BICC1: variants seen among roughly 807,000 people sequenced by gnomAD.
BICC1 encodes the protein BicC family RNA binding protein 1, also known as protein bicaudal C homolog 1.
BICC1 carries 43 observed loss-of-function variants against 111.0 expected under a neutral mutation model. The observed-to-expected ratio is 0.39, with a 90% confidence interval of 0.30 to 0.50. BICC1 has a LOEUF of 0.50. Among genes scored for constraint, BICC1 ranks in the 20% least tolerant of loss-of-function variants. The probability of loss-of-function intolerance (pLI) is 0.88; values close to 1 mark genes in which losing one functional copy is unlikely to be tolerated. For missense variants in BICC1, 1,091 were observed against 1,203.2 expected (o/e 0.91, Z 1.38); for synonymous variants, 467 against 434.4 (o/e 1.07, Z -0.93).
At chr10:58,555,666 C>CT (rs1273719176) in intron 1 of BICC1, among the ~76,000 whole-genome samples, 2 of 152,096 alleles carry the variant, frequency 1.3e-5, no homozygotes, top group African/African-American at 4.8e-5. Flanking sequence ...TCATGCGAAA[C>CT]TAAGTGTTGG....
At chr10:58,543,224 A>G (rs1258888215) in intron 1 of BICC1, among the ~76,000 whole-genome samples, 2 of 152,162 alleles carry the variant, frequency 1.3e-5, no homozygotes, top group Admixed American at 6.5e-5. Context: ...CAACATAGAT[A>G]AACCTGGAGG....
At chr10:58,665,879 A>G (rs1047129177) in intron 2 of BICC1, among the ~76,000 whole-genome samples, 17 of 152,182 alleles carry the variant, frequency 1.1e-4, no homozygotes, top group African/African-American at 3.9e-4. Context: ...TTGCAAAAGT[A>G]TGGTTTTATA....
intron 3 of BICC1, among the ~76,000 whole-genome samples, chr10:58,773,517 C>A (rs1226837017): frequency 6.6e-6 from 1 of 152,202 alleles, no homozygotes; most frequent in Non-Finnish European, 1.5e-5. Flanking sequence ...ATTATCATCA[C>A]CTGAGGGCTG....
At chr10:58,643,859 G>A (rs1255081742) in intron 2 of BICC1, among the ~76,000 whole-genome samples, 1 of 152,184 alleles carries the variant, frequency 6.6e-6, no homozygotes, top group East Asian at 1.9e-4. Flanking sequence ...CCTTGGAGGA[G>A]CTTCTGTTAA....
intron 2 of BICC1, among the ~76,000 whole-genome samples, chr10:58,680,916 A>G (rs1478399726): frequency 6.6e-6 from 1 of 152,266 alleles, no homozygotes; most frequent in Non-Finnish European, 1.5e-5. Context: ...AAAACAAGCA[A>G]TGGTGAAAGG....
intron 3 of BICC1, among the ~76,000 whole-genome samples, chr10:58,780,406 C>T (rs532501644): frequency 6.7e-4 from 102 of 152,136 alleles, no homozygotes; most frequent in Middle Eastern, 3.4e-3. Flanking sequence ...ATGTACATGC[C>T]GAGGGTGGAA....
chr10:58,614,898 A>G (rs965485731), intron 1 of BICC1, among the ~76,000 whole-genome samples: 2 of 152,190 alleles, frequency 1.3e-5, no homozygotes, highest in African/African-American at 2.4e-5. Context: ...TTGAAAATAT[A>G]TTTGATTCTA....
At chr10:58,681,886 CTTTA>C (rs1331311213) in intron 2 of BICC1, among the ~76,000 whole-genome samples, 2 of 151,642 alleles carry the variant, frequency 1.3e-5, no homozygotes, top group African/African-American at 4.9e-5. Flanking sequence ...TTAAATTATA[CTTTA>C]AGTTCTAGGG....
At chr10:58,784,750 G>C (rs1842965048) in intron 3 of BICC1, among the ~76,000 whole-genome samples, 1 of 152,068 alleles carries the variant, frequency 6.6e-6, no homozygotes, top group Non-Finnish European at 1.5e-5. Context: ...TTTGTAAAAA[G>C]AAATGTAAAT....
Position 58,800,224 on chromosome 10 carries a change from A to T in BICC1, c.1756A>T (p.Thr586Ser). The T allele has an allele frequency of 6.2e-7, 1 of 1,607,428 alleles. No homozygotes were observed. The highest frequency in any genetic ancestry group is 8.5e-7 in the Non-Finnish European group (1 of 1,174,282). The change falls in exon 13 of 21, where the codon ACT (threonine) becomes TCT (serine). Residue 586 changes from threonine (T) to serine (S), a missense_variant. By Grantham distance (58) the Thr-to-Ser change is moderately conservative. This residue lies in a region of BICC1 where 843 missense variants were observed against 900.8 expected (regional missense o/e 0.94). Coordinates refer to ENST00000373886, the MANE Select transcript of BICC1 (RefSeq NM_001080512.3). ...AGATATAAAATATGGTGCAATATCC[A>T]CTTCATCACTTGGAGAAAAAGTGCT... Reference protein sequence around the residue: ...SPDIKYGAISTSSLGEKVLSA... With the variant: ...SPDIKYGAISSSSLGEKVLSA...
At chr10:58,812,650 G>A (rs544418706) in intron 17 of BICC1, among the ~76,000 whole-genome samples, 1 of 151,852 alleles carries the variant, frequency 6.6e-6, no homozygotes, top group African/African-American at 2.4e-5. Context: ...GCTAATTTTT[G>A]TATTTTTAGT....
At chr10:58,595,846 CAAG>C (rs1694762630) in intron 1 of BICC1, among the ~76,000 whole-genome samples, 1 of 151,928 alleles carries the variant, frequency 6.6e-6, no homozygotes, top group South Asian at 2.1e-4. Context: ...TAGCAGAAGA[CAAG>C]AAATAACTAA....
chr10:58,800,299 A>G lies in BICC1; in HGVS notation c.1831A>G (p.Thr611Ala). ...CATCCAGACAAGTGGGTCTGAGCAGACATCTCCCAAATCAAGCCCCACTGA... is the reference window on the plus strand; with the variant it reads ...CATCCAGACAAGTGGGTCTGAGCAGGCATCTCCCAAATCAAGCCCCACTGA... ...PSIQTSGSEQ[T>A]SPKSSPTEGC... is the part of the protein sequence containing the mutation. The change falls in exon 13 of 21, where the codon ACA (threonine) becomes GCA (alanine). Residue 611 changes from threonine to alanine, a missense_variant. Transcript: ENST00000373886. 6.2e-7 allele frequency: 1 copy of G among 1,613,672 alleles called. No individual in the cohort carries two copies. Among genetic ancestry groups the G allele is most frequent in the Non-Finnish European group, 8.5e-7 (1 of 1,179,812 alleles).
chr10:58,689,740 G>T (rs550987878), intron 2 of BICC1, among the ~76,000 whole-genome samples: 2 of 152,326 alleles, frequency 1.3e-5, no homozygotes, highest in South Asian at 4.1e-4. Context: ...GCTGAGGACA[G>T]AAGTTAGTGG....
rs1049123485 is a variant in BICC1, at chr10:58,729,801, C to T, written c.307+27658C>T. Among the ~76,000 whole-genome samples, 6 of 152,170 alleles carry T rather than the reference C, an allele frequency of 3.9e-5. No individual in the cohort carries two copies. In the East Asian group the frequency reaches 5.8e-4, roughly 15 times the overall value. Reference sequence around the variant, plus strand: ...CGCAAGAATTCACTCACTATTGTGACGACAGTACCAAGGGGGACGCTGTTA... The same window carrying T: ...CGCAAGAATTCACTCACTATTGTGATGACAGTACCAAGGGGGACGCTGTTA... On this transcript the variant is annotated intron_variant, in intron 3 of 20. Transcript: ENST00000373886.
At chr10:58,666,786 C>A (rs907244780) in intron 2 of BICC1, among the ~76,000 whole-genome samples, 13 of 152,216 alleles carry the variant, frequency 8.5e-5, no homozygotes, top group Admixed American at 8.5e-4. Flanking sequence ...TGACCCCTCC[C>A]ACCATGCATA....
At chr10:58,567,678 T>C (rs1203659757) in intron 1 of BICC1, among the ~76,000 whole-genome samples, 2 of 152,078 alleles carry the variant, frequency 1.3e-5, no homozygotes, top group Admixed American at 6.6e-5. Flanking sequence ...TGTAATTGCA[T>C]AGCTAAGACC....
At chr10:58,514,408 A>T (rs1308818243) in intron 1 of BICC1, among the ~76,000 whole-genome samples, 1 of 152,230 alleles carries the variant, frequency 6.6e-6, no homozygotes, top group African/African-American at 2.4e-5. Context: ...GGCTTTATGC[A>T]TAACTTACTT....
chr10:58,805,224 T>G (rs1472610977), intron 15 of BICC1, among the ~76,000 whole-genome samples: 1 of 151,462 alleles, frequency 6.6e-6, no homozygotes, highest in Non-Finnish European at 1.5e-5. Flanking sequence ...ACCCAAGAGG[T>G]GGAGGTTGCA....
Sources: allele counts gnomAD v4.1 joint callset (sites outside exome capture counted in the v4.1 genomes callset), GRCh38; gene constraint gnomAD v4.1.1; regional missense constraint gnomAD v4.1.1; transcripts MANE v1.5; gene names NCBI Gene and HGNC (gene_info 2026-07-23, HGNC 2026-07-21).